SASH1: variants seen among roughly 807,000 people sequenced by gnomAD.
The protein encoded by SASH1 is SAM and SH3 domain containing 1, also known as SAM and SH3 domain-containing protein 1.
Under a neutral mutation model 125.2 loss-of-function variants are expected in SASH1, and 44 were observed. The ratio of observed to expected loss-of-function variants is 0.35; its 90% CI spans 0.28 to 0.45. SASH1 has a LOEUF of 0.45. Ranked by LOEUF, SASH1 falls within the 20% of genes least tolerant of loss-of-function variation. The pLI is 1.00. For synonymous variants in SASH1, 639 were observed against 649.1 expected (o/e 0.98, Z 0.24); for missense variants, 1,426 against 1,614.5 (o/e 0.88, Z 2.00).
chr6:148,444,630 A>C (rs1776697951), intron 4 of SASH1, among the ~76,000 whole-genome samples: 1 of 152,198 alleles, frequency 6.6e-6, no homozygotes, highest in Non-Finnish European at 1.5e-5. Flanking sequence ...TTTAATAAAG[A>C]AGGCCAAGGG....
intron 1 of SASH1, among the ~76,000 whole-genome samples, chr6:148,335,133 A>G (rs1781115948): frequency 6.6e-6 from 1 of 151,550 alleles, no homozygotes; most frequent in Non-Finnish European, 1.5e-5. Context: ...CCCTGTCTGT[A>G]CTAAAAATAC....
intron 1 of SASH1, among the ~76,000 whole-genome samples, chr6:148,317,601 A>G (rs1484514560): frequency 6.6e-6 from 1 of 151,948 alleles, no homozygotes; most frequent in Non-Finnish European, 1.5e-5. Flanking sequence ...ATTTTTTTGT[A>G]TTTTTAGTAG....
chr6:148,361,396 G>C (rs1782197994), intron 1 of SASH1, among the ~76,000 whole-genome samples: 1 of 152,150 alleles, frequency 6.6e-6, no homozygotes, highest in Admixed American at 6.5e-5. Flanking sequence ...TCAGGAGTTT[G>C]AGACCAGCCC....
chr6:148,362,286 C>T (rs1782265110), intron 1 of SASH1, among the ~76,000 whole-genome samples: 1 of 149,950 alleles, frequency 6.7e-6, no homozygotes, highest in Admixed American at 6.7e-5. Context: ...GCAGTGGCGC[C>T]ATCTTGGCTC....
chr6:148,387,568 CTTTCTTTCTTTCTTTCTT>C, intron 1 of SASH1, among the ~76,000 whole-genome samples: 1 of 7,952 alleles, frequency 1.3e-4, no homozygotes, highest in Non-Finnish European at 2.0e-4. Context: ...TTTCTTTTCT[CTTTCTTTCTTTCTTTCTT>C]TCTTTCTTTC....
At chr6:148,408,269 G>C (rs140548382) in intron 2 of SASH1, among the ~76,000 whole-genome samples, 1 of 148,466 alleles carries the variant, frequency 6.7e-6, no homozygotes, top group Admixed American at 6.8e-5. Flanking sequence ...CACCACGCCC[G>C]GCTAATTTTT....
In SASH1 at chr6:148,454,931, A is replaced by C. The variant is rs573986187; in HGVS notation, c.387-13614A>C. Among the ~76,000 whole-genome samples, 17 of 152,336 alleles carry C rather than the reference A, an allele frequency of 1.1e-4. 1 individual carries two copies. The South Asian group carries it at 2.5e-3, about 22-fold the overall frequency. On this transcript the variant is annotated intron_variant, in intron 4 of 19. Transcript: ENST00000367467. ...CGCAGTCCCCAACCTCTCATCTAAAAGCTTTGCCCAAATAAAACCTTACAA... is the reference window on the plus strand; with the variant it reads ...CGCAGTCCCCAACCTCTCATCTAAACGCTTTGCCCAAATAAAACCTTACAA...
chr6:148,348,723 A>G (rs974219636), intron 1 of SASH1, among the ~76,000 whole-genome samples: 31 of 152,310 alleles, frequency 2.0e-4, no homozygotes, highest in African/African-American at 7.2e-4. Flanking sequence ...TCCATTTGCA[A>G]CTGTGTATAG....
chr6:148,270,382 AT>A (rs34472832), upstream of SASH1, among the ~76,000 whole-genome samples: 113,034 of 151,870 alleles, frequency 0.74, 42,204 homozygotes, highest in South Asian at 0.81. Context: ...ATATTTTAAA[AT>A]TTTTTTTTGT....
Position 148,495,521 on chromosome 6 carries a change from T to C in SASH1, c.729+7806T>C, listed in dbSNP as rs1363129940. Among the ~76,000 whole-genome samples, 1 of 152,254 alleles carries C rather than the reference T, an allele frequency of 6.6e-6. No individual in the cohort carries two copies. Among genetic ancestry groups the C allele is most frequent in the Non-Finnish European group, 1.5e-5 (1 of 68,052 alleles). ...ATTTACCAGATGTTTTATTTTTACA[T>C]TTCAAAGGTGTTAACATATAAACCT... is the stretch of plus-strand genomic sequence containing the variant. On this transcript the variant is annotated intron_variant, in intron 8 of 19. Transcript: ENST00000367467. This position sits in a 1 kb window ranked among gnomAD's most constrained non-coding sequence, Gnocchi z 4.0.
intron 10 of SASH1, among the ~76,000 whole-genome samples, chr6:148,524,117 A>ATTTTT (rs200904196): frequency 1.2e-4 from 11 of 95,288 alleles, no homozygotes; most frequent in African/African-American, 4.8e-4. Context: ...ATATATATAT[A>ATTTTT]TATATTTTTT....
intron 1 of SASH1, among the ~76,000 whole-genome samples, chr6:148,322,306 T>C (rs1237035812): frequency 6.6e-6 from 1 of 152,068 alleles, no homozygotes; most frequent in Non-Finnish European, 1.5e-5. Context: ...GAGCCGAGAC[T>C]GCGCCACTGC....
intron 2 of SASH1, among the ~76,000 whole-genome samples, chr6:148,428,734 A>G (rs1310494142): frequency 6.6e-6 from 1 of 151,854 alleles, no homozygotes; most frequent in Non-Finnish European, 1.5e-5. Flanking sequence ...TTTCTTTCTT[A>G]TGAAAGCTTG....
chr6:148,456,616 T>A (rs1320657455), intron 4 of SASH1, among the ~76,000 whole-genome samples: 1 of 152,146 alleles, frequency 6.6e-6, no homozygotes, highest in African/African-American at 2.4e-5. Flanking sequence ...ATCCAAGGAC[T>A]TTGGGAGGCA....
chr6:148,442,239 G>A (rs1464342043), intron 4 of SASH1, among the ~76,000 whole-genome samples: 3 of 144,116 alleles, frequency 2.1e-5, no homozygotes, highest in African/African-American at 5.1e-5. Context: ...CCAGCCCCCC[G>A]CCCCCAGCCC....
the SASH1 span, among the ~76,000 whole-genome samples, chr6:148,226,400 G>A: frequency 9.2e-5 from 14 of 152,084 alleles, no homozygotes; most frequent in African/African-American, 3.4e-4. Flanking sequence ...AATGGAGTGG[G>A]GAGGTAATGC....
At chr6:148,220,153 T>C in the SASH1 span, among the ~76,000 whole-genome samples, 1 of 152,132 alleles carries the variant, frequency 6.6e-6, no homozygotes, top group Non-Finnish European at 1.5e-5. Context: ...AGGATAGAAA[T>C]TTACTTCTCA....
rs75419285 is a variant in SASH1 at position 148,490,983 on chromosome 6, G to A, written c.729+3268G>A. On this transcript the variant is annotated intron_variant, in intron 8 of 19. Transcript: ENST00000367467. The stretch of plus-strand genomic sequence containing the variant: ...AATGTTTTCCTCCAAAATTTTCCTG[G>A]TAAAAATCTGAGTTTTTCAAGGTGG... 2.0e-5 allele frequency among the ~76,000 whole-genome samples: 3 copies of A among 152,086 alleles called. No homozygotes were observed. In the East Asian group the frequency reaches 5.8e-4, roughly 29 times the overall value.
intron 16 of SASH1, among the ~76,000 whole-genome samples, chr6:148,537,776 C>CTGTGTGTG (rs55644027): frequency 0.038 from 4,729 of 125,438 alleles, 139 homozygotes; most frequent in Non-Finnish European, 0.046. Context: ...TTAGCATATT[C>CTGTGTGTG]TGTGTGTGTG....
Sources: gnomAD v4.1 joint callset for allele counts (sites outside exome capture counted in the v4.1 genomes callset) on GRCh38, gnomAD v4.1.1 for gene constraint, Gnocchi (gnomAD v3.1) non-coding constraint, MANE v1.5 for transcripts, NCBI Gene and HGNC (gene_info 2026-07-23, HGNC 2026-07-21) for gene names.